The following COL4A2 variants were observed in gnomAD, a reference collection of about 807,000 sequenced individuals.
COL4A2 encodes collagen alpha-2(IV) chain.
Under a neutral mutation model 200.2 loss-of-function variants are expected in COL4A2, and 99 were observed. That is an observed-to-expected ratio of 0.49 (90% CI 0.42 to 0.58). COL4A2 has a LOEUF of 0.58. Among genes scored for constraint, COL4A2 ranks in the 20% least tolerant of loss-of-function variants. The pLI is 0.00. For synonymous variants in COL4A2, 897 were observed against 900.6 expected (o/e 1.00, Z 0.07); for missense variants, 1,950 against 2,314.1 (o/e 0.84, Z 3.23).
intron 4 of COL4A2, among the ~76,000 whole-genome samples, chr13:110,414,116 A>G (rs1409982072): frequency 6.6e-6 from 1 of 152,186 alleles, no homozygotes; most frequent in Non-Finnish European, 1.5e-5. Flanking sequence ...TTGAGGCTGC[A>G]GTGAGCTATG....
Position 110,503,181 on chromosome 13 carries a change from C to G in COL4A2, c.3938C>G (p.Thr1313Arg). The part of the protein sequence containing the change: ...SAALPGSKGD[T>R]GNPGAPGTPG... ...GCTCTTCCTGGAAGCAAAGGTGACA[C>G]AGGGAACCCAGGAGCTCCAGGAACC... The change falls in exon 42 of 48, where the codon ACA becomes AGA. Residue 1313 changes from threonine (T) to arginine (R), a missense_variant. This residue lies in a region of COL4A2 where 1,385 missense variants were observed against 1,720.5 expected (regional missense o/e 0.80). Transcript: ENST00000360467. 6.2e-7 allele frequency: 1 copy of G among 1,614,018 alleles called. No homozygotes were observed. The highest frequency in any genetic ancestry group is 1.6e-4 in the Middle Eastern group (1 of 6,062).
rs35602232 is a variant in COL4A2 at position 110,338,434 on chromosome 13, T to TA, written c.100-19038_100-19037insA. ...GAAAAGACACAGAAAATGTTGTGTG[T>TA]GGGGGGGGGTGGGGGTAAAATGCTC... On this transcript the variant is annotated intron_variant, in intron 3 of 47. Transcript: ENST00000360467. Among the ~76,000 whole-genome samples the TA allele has an allele frequency of 7.5e-4, 96 of 127,356 alleles. 1 individual carries two copies. The highest frequency in any genetic ancestry group is 1.0e-3 in the Non-Finnish European group (62 of 62,106). 83.6% of individuals were successfully genotyped at this position (127,356 alleles called of 152,430 possible).
intron 12 of COL4A2, 116 bp from the exon 13 acceptor site, chr13:110,436,153 T>C (rs572106419): frequency 6.2e-6 from 9 of 1,449,214 alleles, no homozygotes; most frequent in East Asian, 2.3e-5. Context: ...GGTATACATA[T>C]GGTAAGTAAT....
At chr13:110,408,833 A>ACG (rs1879692261) in intron 4 of COL4A2, among the ~76,000 whole-genome samples, 1 of 107,410 alleles carries the variant, frequency 9.3e-6, no homozygotes, top group Admixed American at 1.1e-4. Flanking sequence ...ATGCACACAC[A>ACG]CATACACGCA....
At chr13:110,385,961 G>A (rs1199648545) in intron 4 of COL4A2, among the ~76,000 whole-genome samples, 7 of 132,824 alleles carry the variant, frequency 5.3e-5, no homozygotes, top group East Asian at 2.2e-4. Flanking sequence ...TGGTCACAGC[G>A]TGTGGATGGG....
intron 4 of COL4A2, among the ~76,000 whole-genome samples, chr13:110,387,107 C>T (rs1382106133): frequency 3.9e-5 from 6 of 152,152 alleles, no homozygotes; most frequent in South Asian, 4.2e-4. Flanking sequence ...GCCGTGGTGG[C>T]GGGCGCCTGT....
intron 16 of COL4A2, among the ~76,000 whole-genome samples, chr13:110,442,612 C>A (rs1249179934): frequency 2.0e-5 from 3 of 152,240 alleles, no homozygotes; most frequent in African/African-American, 4.8e-5. Context: ...TACATAAACA[C>A]AGAATTGGTT....
At chr13:110,467,535 C>G (rs1882293048) in intron 27 of COL4A2, among the ~76,000 whole-genome samples, 1 of 152,250 alleles carries the variant, frequency 6.6e-6, no homozygotes, top group Admixed American at 6.5e-5. Flanking sequence ...TGTTTTGTCT[C>G]TAGCACCTGG....
chr13:110,435,237 AAAAAG>A (rs1178562897), intron 12 of COL4A2, among the ~76,000 whole-genome samples: 1 of 152,254 alleles, frequency 6.6e-6, no homozygotes, highest in Non-Finnish European at 1.5e-5. Flanking sequence ...TTCTGGGAAA[AAAAAG>A]AAAGAAAAAC....
intron 20 of COL4A2, chr13:110,457,026 C>G (rs377179846): frequency 2.7e-5 from 8 of 298,512 alleles, no homozygotes; most frequent in Admixed American, 1.8e-4. Context: ...GGCTGATGCC[C>G]TGCGTCTGCG....
chr13:110,362,033 G>A (rs1877538382), intron 4 of COL4A2, among the ~76,000 whole-genome samples: 2 of 152,176 alleles, frequency 1.3e-5, no homozygotes, highest in African/African-American at 4.8e-5. Flanking sequence ...ATCATCTTCT[G>A]TGTCCGTACT....
intron 47 of COL4A2, among the ~76,000 whole-genome samples, chr13:110,509,270 T>TATATATATATATAC (rs1435137108): frequency 2.2e-4 from 26 of 115,576 alleles, no homozygotes; most frequent in East Asian, 8.5e-4. Flanking sequence ...TATATATATA[T>TATATATATATATAC]ACACACACAC....
In COL4A2 at chr13:110,509,245, T is replaced by TTATATATATATATATATATATATA. The variant is rs374846915; in HGVS notation, c.4881+1027_4881+1050dup. Among the ~76,000 whole-genome samples the TTATATATATATATATATATATATA allele has an allele frequency of 1.1e-4, 8 of 71,986 alleles. No homozygotes were observed. In the East Asian group the frequency reaches 1.9e-3, roughly 17 times the overall value. The allele number at this position is 71,986 out of a possible 152,430, so 47.2% of individuals were successfully genotyped here. On this transcript the variant is annotated intron_variant, in intron 47 of 47. Transcript: ENST00000360467. ...CCCAGCATGTTAAATATTTCATAAA[T>TTATATATATATATATATATATATA]TATATATATATATATATATATATAT...
In COL4A2 at chr13:110,424,838, C is replaced by A; in HGVS notation, c.285C>A (p.Ala95=). 1.2e-6 allele frequency: 2 copies of A among 1,614,104 alleles called. No individual in the cohort carries two copies. The highest frequency in any genetic ancestry group is 3.3e-4 in the Middle Eastern group (2 of 6,062). The change falls in exon 5 of 48, where the codon GCC becomes GCA. Residue 95 remains alanine, a synonymous_variant. Coordinates refer to ENST00000360467, the MANE Select transcript of COL4A2 (RefSeq NM_001846.4). The part of the protein sequence containing the change: ...GRKGDKGERG[A]PGVTGPKGDV... ...AAGGAGACAAGGGTGAAAGGGGAGCCCCCGGAGTAACGGGACCCAAGGGCG... is the reference window on the plus strand; with the variant it reads ...AAGGAGACAAGGGTGAAAGGGGAGCACCCGGAGTAACGGGACCCAAGGGCG...
intron 4 of COL4A2, among the ~76,000 whole-genome samples, chr13:110,380,729 T>A (rs1048348822): frequency 6.6e-6 from 1 of 150,836 alleles, no homozygotes; most frequent in African/African-American, 2.4e-5. Context: ...ACCCACGTGC[T>A]CTATCTCATA....
chr13:110,448,001 C>T (rs1752178799), intron 18 of COL4A2, among the ~76,000 whole-genome samples: 1 of 152,172 alleles, frequency 6.6e-6, no homozygotes, highest in Non-Finnish European at 1.5e-5. Context: ...CCAGGAGCCC[C>T]TGAGATGTCT....
intron 18 of COL4A2, among the ~76,000 whole-genome samples, chr13:110,448,599 A>C (rs1316730949): frequency 6.6e-6 from 1 of 152,244 alleles, no homozygotes; most frequent in East Asian, 1.9e-4. Flanking sequence ...GACAAAAAGG[A>C]TAGAGGGGTT....
intron 36 of COL4A2, among the ~76,000 whole-genome samples, chr13:110,490,232 C>T (rs1017621047): frequency 6.6e-6 from 1 of 152,264 alleles, no homozygotes; most frequent in Non-Finnish European, 1.5e-5. Flanking sequence ...CCAGCCCGAG[C>T]GAGTTGTGGG....
At chr13:110,472,885 C>G in intron 28 of COL4A2, 44 bp from the exon 29 acceptor site, 1 of 1,525,758 alleles carries the variant, frequency 6.6e-7, no homozygotes, top group African/African-American at 1.4e-5. Context: ...TAGAACGTCA[C>G]CATGCTAACT....
Sources: gnomAD v4.1 joint callset for allele counts (sites outside exome capture counted in the v4.1 genomes callset) on GRCh38, gnomAD v4.1.1 for gene constraint, gnomAD v4.1.1 regional missense constraint, MANE v1.5 for transcripts, NCBI Gene and HGNC (gene_info 2026-07-23, HGNC 2026-07-21) for gene names.